CTNNA2: variants seen among roughly 807,000 people sequenced by gnomAD.
CTNNA2 encodes catenin alpha-2.
Under a neutral mutation model 101.0 loss-of-function variants are expected in CTNNA2, and 42 were observed. The observed-to-expected ratio is 0.42, with a 90% CI of 0.32 to 0.54. The LOEUF (loss-of-function observed/expected upper bound fraction) is 0.54. CTNNA2 is among the 20% of genes least tolerant of loss of function. The pLI is 0.14. For missense variants in CTNNA2, 871 were observed against 1,223.1 expected (o/e 0.71, Z 4.29); for synonymous variants, 450 against 456.4 (o/e 0.99, Z 0.18).
At chr2:80,589,905 T>TGTGCGC (rs1491383706) in intron 15 of CTNNA2, among the ~76,000 whole-genome samples, 40 of 114,566 alleles carry the variant, frequency 3.5e-4, no homozygotes, top group South Asian at 1.1e-3. Context: ...TGTGTGTGTG[T>TGTGCGC]GCGCGCGCGC....
chr2:80,124,968 T>C (rs1702036093), intron 7 of CTNNA2, among the ~76,000 whole-genome samples: 1 of 152,164 alleles, frequency 6.6e-6, no homozygotes, highest in South Asian at 2.1e-4. Context: ...GGGGAAGATT[T>C]AGCATGGCCT....
intron 2 of CTNNA2, among the ~76,000 whole-genome samples, chr2:79,290,446 G>A (rs901692159): frequency 6.6e-6 from 1 of 152,008 alleles, no homozygotes; most frequent in Admixed American, 6.5e-5. Context: ...AGGTGAGGAC[G>A]GGCACTCCTG....
chr2:79,767,186 C>A (rs1673228419), intron 3 of CTNNA2, among the ~76,000 whole-genome samples: 1 of 151,954 alleles, frequency 6.6e-6, no homozygotes, highest in Non-Finnish European at 1.5e-5. Context: ...CTAATTACTT[C>A]TTGATTCTTT....
At chr2:80,453,501 G>T (rs563478724) in intron 9 of CTNNA2, among the ~76,000 whole-genome samples, 1 of 152,136 alleles carries the variant, frequency 6.6e-6, no homozygotes, top group African/African-American at 2.4e-5. Flanking sequence ...CAGCTTCATG[G>T]TTAGTGATTT....
chr2:80,079,541 G>T (rs370932806), intron 7 of CTNNA2, among the ~76,000 whole-genome samples: 2 of 152,194 alleles, frequency 1.3e-5, no homozygotes, highest in South Asian at 4.1e-4. Context: ...CCGGCTGGGC[G>T]CAGTGGCTCA....
chr2:79,633,511 A>G lies in CTNNA2; in HGVS notation c.-5-18041A>G, dbSNP rs1057333808. On this transcript the variant is annotated intron_variant, in intron 1 of 18. Transcript: ENST00000402739. ...GGAGAGACAGATTCAGCCTTAACCC[A>G]TACCTGTAGATGACCAATATTTGAA... is the stretch of plus-strand genomic sequence containing the variant. Among the ~76,000 whole-genome samples, 5 of 152,330 alleles carry G rather than the reference A, an allele frequency of 3.3e-5. No individual in the cohort carries two copies. In the South Asian group the frequency reaches 8.3e-4, roughly 25 times the overall value.
At chr2:80,000,009 T>C (rs755705789) in intron 7 of CTNNA2, among the ~76,000 whole-genome samples, 2 of 152,034 alleles carry the variant, frequency 1.3e-5, no homozygotes, top group Non-Finnish European at 2.9e-5. Flanking sequence ...GAAGAACTAG[T>C]GTGGGTCTGG....
At chr2:79,338,602 T>TTCTTCC (rs1677057859) in intron 3 of CTNNA2, among the ~76,000 whole-genome samples, 1 of 146,344 alleles carries the variant, frequency 6.8e-6, no homozygotes, top group African/African-American at 2.6e-5. Context: ...CTTCTTCTTC[T>TTCTTCC]TCTTCTTCTT....
At position 80,246,269 on chromosome 2, in the gene CTNNA2, A is replaced by G. The variant is rs545171154; in HGVS notation, c.1057-146942A>G. Among the ~76,000 whole-genome samples the G allele has an allele frequency of 2.0e-5, 3 of 152,320 alleles. No homozygotes were observed. In the South Asian group the frequency reaches 6.2e-4, roughly 32 times the overall value. On this transcript the variant is annotated intron_variant, in intron 7 of 18. Coordinates refer to ENST00000402739, the MANE Select transcript of CTNNA2 (RefSeq NM_001282597.3). ...AAGAATTTATTTAATGGGGCTGGGA[A>G]GTGAGGGAGTTATTGAAAGCAGAAA...
At chr2:79,654,231 G>A (rs1324024781) in intron 2 of CTNNA2, among the ~76,000 whole-genome samples, 1 of 152,116 alleles carries the variant, frequency 6.6e-6, no homozygotes, top group Non-Finnish European at 1.5e-5. Context: ...TTAGGTATTT[G>A]TTACTAGCAG....
rs558856617 is a variant in CTNNA2, at chr2:80,623,089, T to C, written c.2574+3861T>C. 2.9e-3 allele frequency among the ~76,000 whole-genome samples: 442 copies of C among 150,578 alleles called. 4 individuals are homozygous for C. Among genetic ancestry groups the C allele is most frequent in the Non-Finnish European group, 4.7e-3 (318 of 67,614 alleles). On this transcript the variant is annotated intron_variant, in intron 18 of 18. Transcript: ENST00000402739. ...AAAAGTTCAAGCAGAAGTTAGATTA[T>C]GTTTGTTTCAAGAGAAAAATGATGA...
intron 4 of CTNNA2, among the ~76,000 whole-genome samples, chr2:79,451,012 C>T (rs1238340487): frequency 6.6e-6 from 1 of 152,036 alleles, no homozygotes; most frequent in African/African-American, 2.4e-5. Context: ...TGTAGACAGC[C>T]AATTCACCTA....
At chr2:79,635,916 A>T (rs1474030121) in intron 1 of CTNNA2, among the ~76,000 whole-genome samples, 6 of 151,680 alleles carry the variant, frequency 4.0e-5, no homozygotes, top group Non-Finnish European at 8.8e-5. Flanking sequence ...AAACCTAGTA[A>T]CTCGTTGTAT....
chr2:80,034,902 A>T (rs1695552675), intron 7 of CTNNA2, among the ~76,000 whole-genome samples: 1 of 152,204 alleles, frequency 6.6e-6, no homozygotes. Flanking sequence ...TTTCAAATTC[A>T]TATACCGCTC....
At chr2:80,039,625 A>G (rs1202394290) in intron 7 of CTNNA2, among the ~76,000 whole-genome samples, 1 of 152,170 alleles carries the variant, frequency 6.6e-6, no homozygotes, top group Non-Finnish European at 1.5e-5. Flanking sequence ...TATTGGTCCT[A>G]AACGCTGAGA....
chr2:80,524,182 T>C (rs1559180568), intron 9 of CTNNA2, among the ~76,000 whole-genome samples: 1 of 152,100 alleles, frequency 6.6e-6, no homozygotes. Flanking sequence ...TATTCCTGGC[T>C]CTGAACCTGA....
chr2:80,030,596 A>G (rs1252170781), intron 7 of CTNNA2: 1 of 152,220 alleles, frequency 6.6e-6, no homozygotes, highest in East Asian at 1.9e-4. Flanking sequence ...TACCAAGTGT[A>G]GTTATATTTG....
chr2:80,312,152 T>C (rs1358366728), intron 7 of CTNNA2, among the ~76,000 whole-genome samples: 3 of 152,246 alleles, frequency 2.0e-5, no homozygotes, highest in African/African-American at 7.2e-5. Context: ...AGGCAGTTTT[T>C]ACTTTCTTCA....
At chr2:79,953,092 A>C (rs1344321097) in intron 7 of CTNNA2, among the ~76,000 whole-genome samples, 1 of 152,174 alleles carries the variant, frequency 6.6e-6, no homozygotes, top group African/African-American at 2.4e-5. Flanking sequence ...AGCGATTGAC[A>C]TCGAGGCATG....
Sources: gnomAD v4.1 joint callset for allele counts (sites outside exome capture counted in the v4.1 genomes callset) on GRCh38, gnomAD v4.1.1 for gene constraint, MANE v1.5 for transcripts, NCBI Gene and HGNC (gene_info 2026-07-23, HGNC 2026-07-21) for gene names.